DPYSL2: variants seen among roughly 807,000 people sequenced by gnomAD.
DPYSL2 encodes dihydropyrimidinase like 2.
DPYSL2 carries 13 observed loss-of-function variants against 69.9 expected under a neutral mutation model. That is an observed-to-expected ratio of 0.19 (90% CI 0.12 to 0.30). The LOEUF (loss-of-function observed/expected upper bound fraction) is 0.30. Among genes scored for constraint, DPYSL2 ranks in the 10% least tolerant of loss-of-function variants. DPYSL2 has a pLI of 1.00. For missense variants in DPYSL2, 587 were observed against 918.9 expected, an observed-to-expected ratio of 0.64 and a Z score of 4.67; for synonymous variants, 326 against 359.1, an observed-to-expected ratio of 0.91 and a Z score of 1.04.
intron 7 of DPYSL2, 98 bp from the exon 8 acceptor site, chr8:26,634,682 C>T (rs1486769079): frequency 2.5e-6 from 4 of 1,591,198 alleles, no homozygotes; most frequent in Non-Finnish European, 3.4e-6. Flanking sequence ...GACCAGCAGC[C>T]TCGCCTTCAT....
intron 1 of DPYSL2, among the ~76,000 whole-genome samples, chr8:26,537,331 A>G (rs1179851356): frequency 6.6e-6 from 1 of 152,130 alleles, no homozygotes; most frequent in Non-Finnish European, 1.5e-5. Flanking sequence ...CTGCAAAATC[A>G]AGACAAGTTC....
chr8:26,541,996 T>A (rs1238829532), intron 1 of DPYSL2, among the ~76,000 whole-genome samples: 3 of 151,584 alleles, frequency 2.0e-5, no homozygotes, highest in Non-Finnish European at 2.9e-5. Context: ...AGAGGCTGGG[T>A]GTGGTGGCTA....
chr8:26,614,009 G>T lies in DPYSL2; in HGVS notation c.629-10134G>T, dbSNP rs1290057553. Among the ~76,000 whole-genome samples the T allele has an allele frequency of 6.6e-6, 1 of 152,064 alleles. No homozygotes were observed. Among genetic ancestry groups the T allele is most frequent in the Non-Finnish European group, 1.5e-5 (1 of 68,006 alleles). The stretch of plus-strand genomic sequence containing the variant: ...ACTGGGCATGGTGGCACGTGCCTGT[G>T]GTCCCAGCTACTCGGGAGGTTGAGG... On this transcript the variant is annotated intron_variant, in intron 3 of 13. Transcript: ENST00000521913. This position sits in a 1 kb window ranked among gnomAD's most constrained non-coding sequence, Gnocchi z 4.9.
chr8:26,557,909 A>G (rs1585508154), intron 1 of DPYSL2, among the ~76,000 whole-genome samples: 1 of 151,846 alleles, frequency 6.6e-6, no homozygotes, highest in Non-Finnish European at 1.5e-5. Context: ...CTCACCAGCA[A>G]TGGAGAGTTC....
At chr8:26,629,817 A>T (rs1802718071) in intron 7 of DPYSL2, among the ~76,000 whole-genome samples, 1 of 152,058 alleles carries the variant, frequency 6.6e-6, no homozygotes. Flanking sequence ...CAGGTCTCGA[A>T]CTCCTGGGCT....
At chr8:26,546,436 A>C (rs1800769235) in intron 1 of DPYSL2, among the ~76,000 whole-genome samples, 1 of 152,232 alleles carries the variant, frequency 6.6e-6, no homozygotes, top group Non-Finnish European at 1.5e-5. Context: ...CTGCTCAACA[A>C]ATATCAAAAA....
intron 3 of DPYSL2, among the ~76,000 whole-genome samples, chr8:26,584,254 G>A (rs777754068): frequency 2.6e-5 from 4 of 152,180 alleles, no homozygotes; most frequent in Non-Finnish European, 5.9e-5. Flanking sequence ...GTGGACTTTT[G>A]TCTTCCTTGA....
intron 1 of DPYSL2, among the ~76,000 whole-genome samples, chr8:26,521,722 T>A (rs1241307303): frequency 6.6e-6 from 1 of 152,174 alleles, no homozygotes; most frequent in African/African-American, 2.4e-5. Context: ...GCTTTTTTTT[T>A]CCTGAGTGGA....
At chr8:26,603,424 G>T (rs531581666) in intron 3 of DPYSL2, among the ~76,000 whole-genome samples, 2 of 152,294 alleles carry the variant, frequency 1.3e-5, no homozygotes. Flanking sequence ...GCCTGCCTTG[G>T]CCTCCCAGAG....
chr8:26,643,158 T>G lies in DPYSL2; in HGVS notation c.1127-281T>G. On this transcript the variant is annotated intron_variant, in intron 8 of 13. Coordinates refer to ENST00000521913, the MANE Select transcript of DPYSL2 (RefSeq NM_001197293.3). This position sits in a 1 kb window ranked among gnomAD's most constrained non-coding sequence, Gnocchi z 6.5. Reference sequence around the variant, plus strand: ...TTAATGGAATTGAAAATCAGCAACGTAGGAGACAGAAGCCTTCAGGATGTC... The same window carrying G: ...TTAATGGAATTGAAAATCAGCAACGGAGGAGACAGAAGCCTTCAGGATGTC... 2.8e-6 allele frequency: 1 copy of G among 357,688 alleles called. No individual in the cohort carries two copies. The highest frequency in any genetic ancestry group is 5.0e-6 in the Non-Finnish European group (1 of 199,748). 22.2% of individuals were successfully genotyped at this position (357,688 alleles called of 1,614,324 possible).
chr8:26,526,189 G>C (rs1013893568), intron 1 of DPYSL2, among the ~76,000 whole-genome samples: 2 of 152,076 alleles, frequency 1.3e-5, no homozygotes, highest in African/African-American at 4.8e-5. Flanking sequence ...CTGCCTCCTG[G>C]GTTCAAGCGA....
At chr8:26,557,341 AAACCC>A (rs1248518920) in intron 1 of DPYSL2, among the ~76,000 whole-genome samples, 8 of 152,130 alleles carry the variant, frequency 5.3e-5, no homozygotes, top group Non-Finnish European at 1.0e-4. Context: ...AGAACTCTTA[AAACCC>A]AACAACAAGA....
intron 1 of DPYSL2, chr8:26,577,372 G>A (rs944079227): frequency 6.1e-6 from 1 of 165,124 alleles, no homozygotes. Flanking sequence ...GGCCAGGCGA[G>A]TTCAGCGCCA....
At position 26,591,437 on chromosome 8, in the gene DPYSL2, G is replaced by T. The variant is rs1801724398; in HGVS notation, c.628+7454G>T. ...TAAGTGTGCCCTTGTCCTATGTCCT[G>T]GCTGAGTGAGTTGGGCAGAGACTTC... On this transcript the variant is annotated intron_variant, in intron 3 of 13. Coordinates refer to ENST00000521913, the MANE Select transcript of DPYSL2 (RefSeq NM_001197293.3). This position sits in a 1 kb window ranked among gnomAD's most constrained non-coding sequence, Gnocchi z 5.8. Among the ~76,000 whole-genome samples the T allele has an allele frequency of 6.6e-6, 1 of 152,186 alleles. No homozygotes were observed. The highest frequency in any genetic ancestry group is 2.4e-5 in the African/African-American group (1 of 41,444).
intron 1 of DPYSL2, among the ~76,000 whole-genome samples, chr8:26,551,035 A>C (rs1320553525): frequency 6.6e-6 from 1 of 152,112 alleles, no homozygotes; most frequent in East Asian, 1.9e-4. Flanking sequence ...GATCTTCCCC[A>C]CTTTGTCCAC....
At chr8:26,520,337 G>C (rs931623020) in intron 1 of DPYSL2, among the ~76,000 whole-genome samples, 3 of 152,116 alleles carry the variant, frequency 2.0e-5, no homozygotes, top group African/African-American at 7.2e-5. Context: ...GCCAGAGGCA[G>C]GGCCTGAACC....
rs752036757 is a variant in DPYSL2 at position 26,643,215 on chromosome 8, A to C, written c.1127-224A>C. On this transcript the variant is annotated intron_variant, in intron 8 of 13. Coordinates refer to ENST00000521913, the MANE Select transcript of DPYSL2 (RefSeq NM_001197293.3). The surrounding 1 kb of genome is among the most constrained non-coding windows in gnomAD (Gnocchi z 6.5). The stretch of plus-strand genomic sequence containing the variant: ...CCTATAGGGAGGGTGTGTTGTTTGA[A>C]GAGCAGGGGCTGAAGGTGGAATCTT... The C allele has an allele frequency of 8.9e-5, 42 of 474,486 alleles. No homozygotes were observed. The highest frequency in any genetic ancestry group is 1.5e-4 in the Non-Finnish European group (42 of 272,426). 29.4% of individuals were successfully genotyped at this position (474,486 alleles called of 1,614,324 possible).
chr8:26,587,698 C>T lies in DPYSL2; in HGVS notation c.628+3715C>T, dbSNP rs2129756372. Among the ~76,000 whole-genome samples, 1 of 152,272 alleles carries T rather than the reference C, an allele frequency of 6.6e-6. No homozygotes were observed. Among genetic ancestry groups the T allele is most frequent in the Admixed American group, 6.5e-5 (1 of 15,306 alleles). On this transcript the variant is annotated intron_variant, in intron 3 of 13. Transcript: ENST00000521913. This position sits in a 1 kb window ranked among gnomAD's most constrained non-coding sequence, Gnocchi z 4.2. ...GGGAACGCCCTTTGCCCTTTCCACC[C>T]AGTGGTGGGTGGGCAGAGACTGCAG... is the stretch of plus-strand genomic sequence containing the variant.
chr8:26,514,724 G>GGC lies in DPYSL2; in HGVS notation c.354+45_354+46insGC. The GGC allele has an allele frequency of 8.6e-7, 1 of 1,167,204 alleles. No individual in the cohort carries two copies. Among genetic ancestry groups the GGC allele is most frequent in the Non-Finnish European group, 1.1e-6 (1 of 887,034 alleles). The allele number at this position is 1,167,204 out of a possible 1,614,324, so 72.3% of individuals were successfully genotyped here. A position where few individuals can be genotyped will look rare whatever the true frequency, so the allele number is the denominator to read the frequency against. ...GTGGAGACGGAGGACGGGGCGCGGG[G>GGC]ATCGCCCCTCCCTCGCCCCTGAGCC... On this transcript the variant is annotated intron_variant, in intron 1 of 13. Coordinates refer to ENST00000521913, the MANE Select transcript of DPYSL2 (RefSeq NM_001197293.3). The surrounding 1 kb of genome is among the most constrained non-coding windows in gnomAD (Gnocchi z 8.4).
Sources: allele counts gnomAD v4.1 joint callset (sites outside exome capture counted in the v4.1 genomes callset), GRCh38; gene constraint gnomAD v4.1.1; non-coding constraint Gnocchi (gnomAD v3.1); transcripts MANE v1.5; gene names NCBI Gene and HGNC (gene_info 2026-07-23, HGNC 2026-07-21).